TMEM63B: variants seen among roughly 807,000 people sequenced by gnomAD.
The protein encoded by TMEM63B is transmembrane protein 63B, also known as mechanosensitive cation channel TMEM63B.
A neutral mutation model predicts 102.6 loss-of-function variants in TMEM63B; 23 were observed. The ratio of observed to expected loss-of-function variants is 0.22; its 90% confidence interval spans 0.16 to 0.32. TMEM63B has a LOEUF of 0.32. Ranked by LOEUF, TMEM63B falls within the 10% of genes least tolerant of loss-of-function variation. The probability of loss-of-function intolerance (pLI) is 1.00; values close to 1 mark genes in which losing one functional copy is unlikely to be tolerated. For synonymous variants in TMEM63B, 444 were observed against 437.0 expected (o/e 1.02, Z -0.20); for missense variants, 628 against 1,095.9 (o/e 0.57, Z 6.03).
rs1355469538 is a variant in TMEM63B, at chr6:44,150,021, C to T, written c.1520+56C>T. On this transcript the variant is annotated intron_variant, in intron 16 of 23. Coordinates refer to ENST00000323267, the MANE Select transcript of TMEM63B (RefSeq NM_018426.3). The surrounding 1 kb of genome is among the most constrained non-coding windows in gnomAD (Gnocchi z 4.7). ...CTGTGGCCTGCCCTCAATGACCCAT[C>T]CTCTCTGGGCAGCACTTTGCCCTTC... 14 of 1,534,244 alleles carry T rather than the reference C, an allele frequency of 9.1e-6. No individual in the cohort carries two copies. Among genetic ancestry groups the T allele is most frequent in the Non-Finnish European group, 1.3e-5 (14 of 1,119,538 alleles).
At chr6:44,154,639 C>T in intron 23 of TMEM63B, 53 bp from the exon 24 acceptor site, 2 of 1,519,918 alleles carry the variant, frequency 1.3e-6, no homozygotes, top group Non-Finnish European at 1.8e-6. Context: ...GGTGTTCCCG[C>T]AATCCATGAG....
chr6:44,139,565 C>T lies in TMEM63B; in HGVS notation c.506C>T (p.Ser169Phe). The T allele has an allele frequency of 1.2e-6, 2 of 1,614,230 alleles. No individual in the cohort carries two copies. Among genetic ancestry groups the T allele is most frequent in the Non-Finnish European group, 1.7e-6 (2 of 1,180,044 alleles). ...IGLLVVVGVLSVGIVLPVNFS... is the reference protein window; with the variant it reads ...IGLLVVVGVLFVGIVLPVNFS... ...CTGCTGGTGGTTGTGGGCGTCCTCT[C>T]CGTAGGCATCGTGCTGCCTGTCAAC... Residue 169 changes from serine (S) to phenylalanine (F), a missense_variant, in exon 7 of 24, where the codon TCC becomes TTC. Ser to Phe is a radical substitution (Grantham distance 155, BLOSUM62 -2). Coordinates refer to ENST00000323267, the MANE Select transcript of TMEM63B (RefSeq NM_018426.3).
At chr6:44,151,238 C>A (rs1292879915) in intron 18 of TMEM63B, among the ~76,000 whole-genome samples, 2 of 152,056 alleles carry the variant, frequency 1.3e-5, no homozygotes, top group Non-Finnish European at 2.9e-5. Context: ...CTGTGGAGTT[C>A]TGTATGGGCA....
chr6:44,133,632 G>C (rs777325037), intron 1 of TMEM63B, among the ~76,000 whole-genome samples: 4 of 152,204 alleles, frequency 2.6e-5, no homozygotes, highest in Non-Finnish European at 5.9e-5. Context: ...ACTCAGGCTG[G>C]CTGTCCCTTT....
intron 22 of TMEM63B, 47 bp downstream of exon 22, chr6:44,154,235 G>C (rs1359358104): frequency 1.2e-5 from 19 of 1,605,294 alleles, no homozygotes; most frequent in Non-Finnish European, 1.5e-5. Context: ...AGGAGCTCAA[G>C]GGGAGGAATG....
At chr6:44,128,580 C>T (rs993389731) in intron 1 of TMEM63B, among the ~76,000 whole-genome samples, 6 of 152,390 alleles carry the variant, frequency 3.9e-5, no homozygotes, top group Admixed American at 2.0e-4. Context: ...TGTGCTGCCC[C>T]CTGCCTGGGT....
chr6:44,155,265 C>A lies in TMEM63B; in HGVS notation c.*382C>A, dbSNP rs377258360. The A allele has an allele frequency of 1.8e-3, 278 of 156,030 alleles. 1 individual carries two copies. The highest frequency in any genetic ancestry group is 5.9e-3 in the African/African-American group (244 of 41,610). The allele number at this position is 156,030 out of a possible 1,614,324, so 9.7% of individuals were successfully genotyped here. A position where few individuals can be genotyped will look rare whatever the true frequency, so the allele number is the denominator to read the frequency against. On this transcript the variant is annotated 3_prime_UTR_variant, in exon 24 of 24. Coordinates refer to ENST00000323267, the MANE Select transcript of TMEM63B (RefSeq NM_018426.3). Reference sequence around the variant, plus strand: ...AGGTGGATCTGGGGCTGTTCCCCCCCCTCCGTTTTTTCCACCCCACAGTTC... The same window carrying A: ...AGGTGGATCTGGGGCTGTTCCCCCCACTCCGTTTTTTCCACCCCACAGTTC...
intron 4 of TMEM63B, 72 bp downstream of exon 4, chr6:44,135,438 C>T: frequency 6.5e-7 from 1 of 1,529,892 alleles, no homozygotes; most frequent in Non-Finnish European, 8.9e-7. Context: ...CTTCTCTTCT[C>T]TTCCTGCCAA....
chr6:44,129,838 T>C (rs190908379), intron 1 of TMEM63B, among the ~76,000 whole-genome samples: 1 of 152,314 alleles, frequency 6.6e-6, no homozygotes, highest in Admixed American at 6.5e-5. Context: ...TATTAAGAGC[T>C]TTACATAAGT....
Position 44,136,329 on chromosome 6 carries a change from C to G in TMEM63B, c.279-20C>G, listed in dbSNP as rs368623210. 1.2e-6 allele frequency: 2 copies of G among 1,611,632 alleles called. No homozygotes were observed. Among genetic ancestry groups the G allele is most frequent in the Middle Eastern group, 1.7e-4 (1 of 6,052 alleles). ...TCAGACTCACCAGGCTCTCTGATCT[C>G]TCATCTCCCTCACCCCCAGTGTGGC... On this transcript the variant is annotated intron_variant, in intron 4 of 23. Coordinates refer to ENST00000323267, the MANE Select transcript of TMEM63B (RefSeq NM_018426.3).
chr6:44,143,203 C>G (rs1764655095), intron 10 of TMEM63B, among the ~76,000 whole-genome samples: 1 of 152,190 alleles, frequency 6.6e-6, no homozygotes, highest in Non-Finnish European at 1.5e-5. Flanking sequence ...AGATTAAGGA[C>G]TGGTGTGTGA....
At chr6:44,134,894 C>A in intron 2 of TMEM63B, 123 bp from the exon 3 acceptor site, 1 of 1,487,298 alleles carries the variant, frequency 6.7e-7, no homozygotes, top group Non-Finnish European at 9.2e-7. Flanking sequence ...TCGCCTTTGA[C>A]CATTCACCCA....
At chr6:44,129,384 AAAG>A (rs1777863900) in intron 1 of TMEM63B, among the ~76,000 whole-genome samples, 1 of 150,094 alleles carries the variant, frequency 6.7e-6, no homozygotes, top group South Asian at 2.1e-4. Flanking sequence ...AAAAAAAAAG[AAAG>A]AAAAGAAAAA....
chr6:44,142,869 G>C (rs940638724), intron 10 of TMEM63B, among the ~76,000 whole-genome samples: 3 of 152,190 alleles, frequency 2.0e-5, no homozygotes, highest in African/African-American at 7.2e-5. Context: ...AAATTAGCCA[G>C]ACATGGTAGC....
intron 10 of TMEM63B, among the ~76,000 whole-genome samples, chr6:44,142,801 G>A (rs767810779): frequency 7.2e-5 from 11 of 151,946 alleles, no homozygotes; most frequent in Non-Finnish European, 1.2e-4. Context: ...GCTTGAGCCC[G>A]GGAGTTTAAG....
intron 1 of TMEM63B, 108 bp from the exon 2 acceptor site, chr6:44,134,453 C>T (rs1762534186): frequency 8.3e-7 from 1 of 1,204,926 alleles, no homozygotes; most frequent in African/African-American, 1.5e-5. Flanking sequence ...CTTCCATCCA[C>T]CCAGGCAGCC....
At chr6:44,139,850 G>A (rs1763871343) in intron 8 of TMEM63B, 91 bp downstream of exon 8, 17 of 1,525,470 alleles carry the variant, frequency 1.1e-5, no homozygotes, top group Admixed American at 3.3e-5. Context: ...CTGCGTTGAT[G>A]GGAGCAGAGC....
At chr6:44,138,270 G>T in intron 5 of TMEM63B, 1 of 542,744 alleles carries the variant, frequency 1.8e-6, no homozygotes, top group Non-Finnish European at 3.4e-6. Flanking sequence ...CCTGTTTAGT[G>T]TTGGTCTTTT....
Position 44,153,734 on chromosome 6 carries a change from C to T in TMEM63B, c.2001C>T (p.Tyr667=), listed in dbSNP as rs1478113169. 2 of 1,614,050 alleles carry T rather than the reference C, an allele frequency of 1.2e-6. No individual in the cohort carries two copies. The highest frequency in any genetic ancestry group is 2.7e-5 in the African/African-American group (2 of 74,948). Residue 667 remains tyrosine, a synonymous_variant, in exon 21 of 24, where the codon TAC becomes TAT. Coordinates refer to ENST00000323267, the MANE Select transcript of TMEM63B (RefSeq NM_018426.3). ...LVDRYNLYYA[Y]LPAKLDKKIH... ...ACAGGTACAATCTCTACTACGCCTA[C>T]CTGCCGGCCAAGCTGGACAAGAAGA...
Sources: allele counts gnomAD v4.1 joint callset (sites outside exome capture counted in the v4.1 genomes callset), GRCh38; gene constraint gnomAD v4.1.1; non-coding constraint Gnocchi (gnomAD v3.1); transcripts MANE v1.5; gene names NCBI Gene and HGNC (gene_info 2026-07-23, HGNC 2026-07-21).